The following SQOR variants were observed in gnomAD, a reference collection of about 807,000 sequenced individuals.
The protein encoded by SQOR is sulfide:quinone oxidoreductase, mitochondrial.
In SQOR, 39 loss-of-function variants were observed where a neutral mutation model predicts 48.6. The ratio of observed to expected loss-of-function variants is 0.80; its 90% confidence interval spans 0.62 to 1.05. SQOR has a LOEUF of 1.05. Among genes scored for constraint, SQOR ranks in the 50% least tolerant of loss-of-function variants. The pLI is 0.00. For synonymous variants in SQOR, 220 were observed against 206.2 expected (o/e 1.07, Z -0.57); for missense variants, 561 against 559.9 (o/e 1.00, Z -0.02).
chr15:45,690,121 C>CCCAGGCTGGAGTGCA (rs202160866), intron 9 of SQOR, among the ~76,000 whole-genome samples: 28,284 of 147,038 alleles, frequency 0.19, 2,907 homozygotes, highest in Middle Eastern at 0.35. Context: ...TTGCCCTGCC[C>CCCAGGCTGGAGTGCA]GTGGTGTGAT....
chr15:45,681,000 G>A (rs566756451), intron 6 of SQOR, among the ~76,000 whole-genome samples: 1 of 152,118 alleles, frequency 6.6e-6, no homozygotes, highest in East Asian at 1.9e-4. Flanking sequence ...CTTGAGCCCA[G>A]GAGTTCGAGA....
chr15:45,652,908 G>A (rs1301829059), intron 1 of SQOR, among the ~76,000 whole-genome samples: 1 of 151,556 alleles, frequency 6.6e-6, no homozygotes, highest in Non-Finnish European at 1.5e-5. Flanking sequence ...GGGAGGTGGA[G>A]GTTGCAGTGA....
chr15:45,683,854 ATGTGTGTG>A (rs79144382), intron 7 of SQOR, among the ~76,000 whole-genome samples: 1 of 149,056 alleles, frequency 6.7e-6, no homozygotes, highest in African/African-American at 2.5e-5. Flanking sequence ...TGTATATATT[ATGTGTGTG>A]TGTGTGTGTG....
At position 45,682,637 on chromosome 15, in the gene SQOR, A is replaced by T; in HGVS notation, c.1024A>T (p.Thr342Ser). 6.2e-7 allele frequency: 1 copy of T among 1,614,094 alleles called. No homozygotes were observed. The highest frequency in any genetic ancestry group is 8.5e-7 in the Non-Finnish European group (1 of 1,179,970). Reference protein sequence around the residue: ...FGIGDCTNLPTSKTAAAVAAQ... With the variant: ...FGIGDCTNLPSSKTAAAVAAQ... Reference sequence around the variant, plus strand: ...GATTGGGGACTGCACCAACCTTCCTACGTCAAAGACCGCTGCTGCAGTAGG... The same window carrying T: ...GATTGGGGACTGCACCAACCTTCCTTCGTCAAAGACCGCTGCTGCAGTAGG... The change falls in exon 7 of 10, where the codon ACG (threonine) becomes TCG (serine). Residue 342 changes from threonine to serine, a missense_variant. Transcript: ENST00000260324.
chr15:45,640,491 A>C (rs1895086023), intron 1 of SQOR, among the ~76,000 whole-genome samples: 1 of 152,186 alleles, frequency 6.6e-6, no homozygotes, highest in African/African-American at 2.4e-5. Context: ...CTGGACACAG[A>C]AGAGACGTGA....
rs55984621 is a variant in SQOR, at chr15:45,643,262, C to G, written c.-18+8154C>G. On this transcript the variant is annotated intron_variant, in intron 1 of 9. Transcript: ENST00000260324. ...CCAGGCTGGAGTGTAGTGGTGCGAT[C>G]TCGGCTCACTGCAGCCTCCGCCTCC... Among the ~76,000 whole-genome samples the G allele has an allele frequency of 5.4e-3, 828 of 152,308 alleles. 11 individuals carry two copies. Among genetic ancestry groups the G allele is most frequent in the African/African-American group, 0.019 (790 of 41,568 alleles).
At chr15:45,657,095 A>G (rs534285191) in intron 1 of SQOR, among the ~76,000 whole-genome samples, 2 of 87,532 alleles carry the variant, frequency 2.3e-5, no homozygotes, top group East Asian at 7.5e-4. Context: ...GGTGTGAACC[A>G]CCACGCCTGG....
intron 1 of SQOR, among the ~76,000 whole-genome samples, chr15:45,654,779 T>C (rs11637984): frequency 0.24 from 36,947 of 151,948 alleles, 4,804 homozygotes; most frequent in Admixed American, 0.32. Context: ...TGGAAAGACG[T>C]GGCCGGTGGT....
At chr15:45,677,538 C>T (rs563109243) in intron 6 of SQOR, among the ~76,000 whole-genome samples, 2 of 152,246 alleles carry the variant, frequency 1.3e-5, no homozygotes, top group East Asian at 3.9e-4. Context: ...ATTTAGCCTC[C>T]TTTAATCTGT....
chr15:45,635,265 A>G (rs1894982594), intron 1 of SQOR, among the ~76,000 whole-genome samples, 157 bp downstream of exon 1: 1 of 152,168 alleles, frequency 6.6e-6, no homozygotes, highest in Non-Finnish European at 1.5e-5. Flanking sequence ...TTGCTTCCTC[A>G]ACTCCGGACA....
At chr15:45,687,243 C>G (rs1890241433) in intron 7 of SQOR, among the ~76,000 whole-genome samples, 1 of 152,272 alleles carries the variant, frequency 6.6e-6, no homozygotes, top group South Asian at 2.1e-4. Context: ...TCCTGAGTAG[C>G]TGGGATTACA....
At chr15:45,670,026 CA>C in intron 4 of SQOR, 45 bp downstream of exon 4, 8 of 1,564,178 alleles carry the variant, frequency 5.1e-6, no homozygotes, top group Non-Finnish European at 7.0e-6. Context: ...TTATCTATGC[CA>C]AGAGCAAATG....
chr15:45,638,767 T>C (rs949559146), intron 1 of SQOR, among the ~76,000 whole-genome samples: 1 of 150,926 alleles, frequency 6.6e-6, no homozygotes, highest in Non-Finnish European at 1.5e-5. Context: ...AAAATTAAGT[T>C]AGGTCATTAA....
At chr15:45,641,663 G>C (rs1419784677) in intron 1 of SQOR, among the ~76,000 whole-genome samples, 1 of 152,176 alleles carries the variant, frequency 6.6e-6, no homozygotes, top group East Asian at 1.9e-4. Context: ...TACTCAAGCA[G>C]AGGTGTGCCA....
At chr15:45,633,483 C>G (rs1894935578), upstream of SQOR, among the ~76,000 whole-genome samples, 1 of 151,302 alleles carries the variant, frequency 6.6e-6, no homozygotes, top group Non-Finnish European at 1.5e-5. Flanking sequence ...ATCACTTGGT[C>G]AGGAGTTCAA....
At chr15:45,674,630 C>G (rs909960040) in intron 5 of SQOR, among the ~76,000 whole-genome samples, 2 of 151,958 alleles carry the variant, frequency 1.3e-5, no homozygotes, top group African/African-American at 4.8e-5. Context: ...CGGAAAATGC[C>G]AATTTAAAAA....
At chr15:45,634,144 C>T (rs1302063896), upstream of SQOR, among the ~76,000 whole-genome samples, 19 of 132,902 alleles carry the variant, frequency 1.4e-4, no homozygotes, top group Admixed American at 4.3e-4. Context: ...CTACTCACTG[C>T]GCTCCAGCCT....
In SQOR at chr15:45,676,165, A is replaced by C; in HGVS notation, c.719A>C (p.Lys240Thr). The change falls in exon 6 of 10, where the codon AAG becomes ACG. Residue 240 changes from lysine to threonine, a missense_variant. Lys to Thr is a moderately conservative substitution (Grantham distance 78). Coordinates refer to ENST00000260324, the MANE Select transcript of SQOR (RefSeq NM_021199.4). ...NTSLGAIFGV[K>T]KYADALQEII... The stretch of plus-strand genomic sequence containing the variant: ...TCTCTTGGAGCCATTTTCGGGGTTA[A>C]GAAGTATGCAGATGCCCTGCAGGAG... 1.2e-6 allele frequency: 2 copies of C among 1,614,212 alleles called. No homozygotes were observed. The highest frequency in any genetic ancestry group is 1.7e-6 in the Non-Finnish European group (2 of 1,180,042).
chr15:45,658,428 A>G (rs1441167260), intron 1 of SQOR, among the ~76,000 whole-genome samples: 2 of 152,178 alleles, frequency 1.3e-5, no homozygotes, highest in Non-Finnish European at 2.9e-5. Context: ...CTGTTTCAAC[A>G]AGGTCTCAGG....
Sources: gnomAD v4.1 joint callset for allele counts (sites outside exome capture counted in the v4.1 genomes callset) on GRCh38, gnomAD v4.1.1 for gene constraint, MANE v1.5 for transcripts, NCBI Gene and HGNC (gene_info 2026-07-23, HGNC 2026-07-21) for gene names.